The following MAD1L1 variants were observed in gnomAD, a reference collection of about 807,000 sequenced individuals.
MAD1L1 encodes the protein mitotic arrest deficient 1 like 1, also known as mitotic spindle assembly checkpoint protein MAD1.
Under a neutral mutation model 96.9 loss-of-function variants are expected in MAD1L1, and 95 were observed. The ratio of observed to expected loss-of-function variants is 0.98; its 90% CI spans 0.83 to 1.16. The LOEUF is 1.16. MAD1L1 is among the 50% of genes most tolerant of loss of function. The probability of loss-of-function intolerance (pLI) is 0.00; values close to 1 mark genes in which losing one functional copy is unlikely to be tolerated. For synonymous variants in MAD1L1, 473 were observed against 396.6 expected (o/e 1.19, Z -2.29); for missense variants, 1,007 against 954.4 (o/e 1.06, Z -0.73).
chr7:2,210,692 G>A (rs531053216), intron 10 of MAD1L1, among the ~76,000 whole-genome samples: 2 of 152,202 alleles, frequency 1.3e-5, no homozygotes, highest in Non-Finnish European at 2.9e-5. Flanking sequence ...ACAACACAAG[G>A]AGCAGCGGGG....
chr7:2,180,785 T>C (rs1639907), intron 10 of MAD1L1, among the ~76,000 whole-genome samples: 8,526 of 152,240 alleles, frequency 0.056, 656 homozygotes, highest in African/African-American at 0.17. Flanking sequence ...GCTCTAATAA[T>C]TTTGTAAATG....
intron 6 of MAD1L1, among the ~76,000 whole-genome samples, chr7:2,218,407 T>C (rs1360700084): frequency 6.6e-6 from 1 of 152,228 alleles, no homozygotes; most frequent in East Asian, 1.9e-4. Flanking sequence ...CACCCAGGAA[T>C]GACCTCTCCT....
chr7:2,220,088 C>T (rs973113814), intron 5 of MAD1L1, among the ~76,000 whole-genome samples: 4 of 152,250 alleles, frequency 2.6e-5, no homozygotes, highest in Non-Finnish European at 2.9e-5. Flanking sequence ...GCTACCATGA[C>T]GGCTGTTTGC....
chr7:1,915,216 T>C (rs184458164), intron 17 of MAD1L1, among the ~76,000 whole-genome samples: 2 of 152,268 alleles, frequency 1.3e-5, no homozygotes, highest in Admixed American at 1.3e-4. Flanking sequence ...CTAATGGATG[T>C]TGCTTTTCAA....
chr7:2,037,211 T>C (rs1783480573), intron 12 of MAD1L1, among the ~76,000 whole-genome samples: 1 of 151,658 alleles, frequency 6.6e-6, no homozygotes, highest in African/African-American at 2.4e-5. Context: ...ACTCTTCTTT[T>C]TTTTTTTTTT....
chr7:2,204,531 T>G (rs530165843), intron 10 of MAD1L1, among the ~76,000 whole-genome samples: 4 of 152,334 alleles, frequency 2.6e-5, no homozygotes, highest in Admixed American at 2.0e-4. Flanking sequence ...GTTTTACCTT[T>G]TTAAAAAGTT....
intron 17 of MAD1L1, among the ~76,000 whole-genome samples, chr7:1,934,927 G>A (rs975046297): frequency 3.2e-4 from 47 of 146,564 alleles, no homozygotes; most frequent in African/African-American, 1.1e-3. Flanking sequence ...ACAAACAGAC[G>A]GGTGAACCCG....
At chr7:1,819,003 C>T (rs538878440) in intron 18 of MAD1L1, among the ~76,000 whole-genome samples, 11 of 152,192 alleles carry the variant, frequency 7.2e-5, no homozygotes, top group South Asian at 4.2e-4. Flanking sequence ...CCTCTGACTC[C>T]GTTTCCCCCA....
intron 18 of MAD1L1, among the ~76,000 whole-genome samples, chr7:1,888,392 G>GTGCATGCGTGTGGCTGCCTA: frequency 7.6e-6 from 1 of 131,990 alleles, no homozygotes; most frequent in Non-Finnish European, 1.5e-5. Flanking sequence ...ATGCGTGTGT[G>GTGCATGCGTGTGGCTGCCTA]TGCATGCGTG....
At chr7:1,874,993 G>C (rs1384077997) in intron 18 of MAD1L1, among the ~76,000 whole-genome samples, 2 of 152,136 alleles carry the variant, frequency 1.3e-5, no homozygotes, top group Admixed American at 6.5e-5. Context: ...GGCATACTCC[G>C]AGCCAAGGGC....
rs536633786 is a variant in MAD1L1 at position 2,226,308 on chromosome 7, G to A, written c.151-758C>T. ...TGGGAGGCAGTAGGAAGGTGAGTGTGCACAAGGAGCCTGGAATCTGGGGGC... is the reference window on the plus strand; with the variant it reads ...TGGGAGGCAGTAGGAAGGTGAGTGTACACAAGGAGCCTGGAATCTGGGGGC... On this transcript the variant is annotated intron_variant, in intron 3 of 18. Coordinates refer to ENST00000265854, the MANE Select transcript of MAD1L1 (RefSeq NM_001013836.2). Among the ~76,000 whole-genome samples the A allele has an allele frequency of 5.8e-4, 88 of 152,308 alleles. 1 individual carries two copies. Among genetic ancestry groups the A allele is most frequent in the African/African-American group, 2.0e-3 (84 of 41,558 alleles).
At chr7:2,199,281 A>C (rs1792157326) in intron 10 of MAD1L1, among the ~76,000 whole-genome samples, 1 of 152,242 alleles carries the variant, frequency 6.6e-6, no homozygotes, top group Admixed American at 6.5e-5. Flanking sequence ...TGGCATATGG[A>C]CTAAGGAATG....
chr7:1,882,692 G>T (rs1262083631), intron 18 of MAD1L1, among the ~76,000 whole-genome samples: 3 of 152,176 alleles, frequency 2.0e-5, no homozygotes, highest in Non-Finnish European at 4.4e-5. Context: ...CTGCTGGGTG[G>T]GCATGACATG....
chr7:1,918,741 C>T (rs957150558), intron 17 of MAD1L1, among the ~76,000 whole-genome samples: 3 of 152,228 alleles, frequency 2.0e-5, no homozygotes, highest in African/African-American at 4.8e-5. Flanking sequence ...GGAGTGCCAG[C>T]CAGCCTTCAG....
intron 11 of MAD1L1, among the ~76,000 whole-genome samples, chr7:2,099,680 T>G (rs1786678198): frequency 6.6e-6 from 1 of 152,046 alleles, no homozygotes; most frequent in Non-Finnish European, 1.5e-5. Flanking sequence ...AAAAACCCAT[T>G]AGACGTGGTT....
At chr7:1,952,708 C>T (rs924748655) in intron 16 of MAD1L1, among the ~76,000 whole-genome samples, 1 of 152,198 alleles carries the variant, frequency 6.6e-6, no homozygotes, top group African/African-American at 2.4e-5. Flanking sequence ...CCTTGCCTCA[C>T]AAAGGAGGCC....
chr7:2,020,645 G>A lies in MAD1L1; in HGVS notation c.1219-6003C>T, dbSNP rs550177875. ...GGCCTCCTGGGAGGGAGGCTGACCC[G>A]GTGGCTGTGGGCAGAGACGAAGGAA... On this transcript the variant is annotated intron_variant, in intron 12 of 18. Transcript: ENST00000265854. 6.6e-5 allele frequency among the ~76,000 whole-genome samples: 10 copies of A among 152,358 alleles called. 1 individual carries two copies. The South Asian group carries it at 1.0e-3, about 16-fold the overall frequency.
chr7:2,219,397 C>G lies in MAD1L1; in HGVS notation c.531G>C (p.Glu177Asp). ...SELQWSVMDQ[E>D]MRVKRLESEK... is the part of the protein sequence containing the mutation. Reference sequence around the variant, plus strand: ...CCGACTCCAGGCGCTTCACCCGCATCTCCTGGTCCATCACGCTCCACTGCA... The same window carrying G: ...CCGACTCCAGGCGCTTCACCCGCATGTCCTGGTCCATCACGCTCCACTGCA... Residue 177 changes from glutamate to aspartate, a missense_variant, in exon 6 of 19, where the codon GAG (glutamate) becomes GAC (aspartate). By Grantham distance (45) the Glu-to-Asp change is conservative. Transcript: ENST00000265854. 6.2e-7 allele frequency: 1 copy of G among 1,612,214 alleles called. No individual in the cohort carries two copies. Among genetic ancestry groups the G allele is most frequent in the Non-Finnish European group, 8.5e-7 (1 of 1,179,310 alleles).
intron 18 of MAD1L1, among the ~76,000 whole-genome samples, chr7:1,875,082 C>A (rs1741804986): frequency 6.6e-6 from 1 of 152,300 alleles, no homozygotes; most frequent in South Asian, 2.1e-4. Context: ...CAGGCCCAGT[C>A]CCAATCCAGG....
Sources: gnomAD v4.1 joint callset for allele counts (sites outside exome capture counted in the v4.1 genomes callset) on GRCh38, gnomAD v4.1.1 for gene constraint, MANE v1.5 for transcripts, NCBI Gene and HGNC (gene_info 2026-07-23, HGNC 2026-07-21) for gene names.